Variants in GRID2 observed in about 807,000 individuals in gnomAD.
GRID2 encodes the protein glutamate receptor ionotropic, delta-2.
Under a neutral mutation model 114.8 loss-of-function variants are expected in GRID2, and 33 were observed. That is an observed-to-expected ratio of 0.29 (90% CI 0.22 to 0.38). The LOEUF is 0.38. GRID2 is among the 10% of genes least tolerant of loss of function. The pLI is 1.00. For missense variants in GRID2, 1,184 were observed against 1,257.7 expected (o/e 0.94, Z 0.89); for synonymous variants, 505 against 449.9 (o/e 1.12, Z -1.55).
Position 92,530,820 on chromosome 4 carries a change from TC to T in GRID2, c.89-59310del, listed in dbSNP as rs1217211646. On this transcript the variant is annotated intron_variant, in intron 1 of 15. Coordinates refer to ENST00000282020, the MANE Select transcript of GRID2 (RefSeq NM_001510.4). ...TACTCAGGAGGCTGAGGCAGAAGAA[TC>T]ACTTGAACCTGGGAGGTGGAGGTTT... is the stretch of plus-strand genomic sequence containing the variant. Among the ~76,000 whole-genome samples, 3 of 151,088 alleles carry T rather than the reference TC, an allele frequency of 2.0e-5. No homozygotes were observed. The East Asian group carries it at 5.8e-4, about 29-fold the overall frequency.
intron 13 of GRID2, among the ~76,000 whole-genome samples, chr4:93,527,036 G>C (rs1730979108): frequency 6.6e-6 from 1 of 151,986 alleles, no homozygotes; most frequent in African/African-American, 2.4e-5. Flanking sequence ...TTCGCTTTCT[G>C]TGGCTCCCAG....
chr4:93,500,119 T>C (rs990999917), intron 12 of GRID2, among the ~76,000 whole-genome samples: 1 of 152,008 alleles, frequency 6.6e-6, no homozygotes, highest in African/African-American at 2.4e-5. Context: ...CTAAGTTATG[T>C]GGTATGCAAG....
At chr4:92,335,287 A>G (rs1184411193) in intron 1 of GRID2, among the ~76,000 whole-genome samples, 2 of 152,176 alleles carry the variant, frequency 1.3e-5, no homozygotes, top group South Asian at 2.1e-4. Flanking sequence ...CCTTTTAGAC[A>G]CTTGCTGTGT....
intron 2 of GRID2, among the ~76,000 whole-genome samples, chr4:93,076,643 A>T (rs1729336371): frequency 1.7e-5 from 2 of 121,142 alleles, no homozygotes; most frequent in Non-Finnish European, 1.6e-5. Context: ...TTAATGACAG[A>T]GTCTCTCTCT....
At chr4:92,629,620 A>G (rs1730691410) in intron 2 of GRID2, among the ~76,000 whole-genome samples, 1 of 152,080 alleles carries the variant, frequency 6.6e-6, no homozygotes, top group African/African-American at 2.4e-5. Flanking sequence ...TTGTAACAAT[A>G]TATAAAGAAG....
chr4:92,304,811 C>A, intron 1 of GRID2, 67 bp downstream of exon 1: 1 of 1,109,198 alleles, frequency 9.0e-7, no homozygotes, highest in Non-Finnish European at 1.4e-6. Flanking sequence ...TTCCCCTTCG[C>A]TTTCCCCCTC....
chr4:93,189,773 C>CCACACACACACA (rs34137840), intron 4 of GRID2, among the ~76,000 whole-genome samples: 13 of 138,976 alleles, frequency 9.4e-5, no homozygotes, highest in Admixed American at 5.0e-4. Context: ...CCACACCACA[C>CCACACACACACA]CACACACACA....
chr4:93,296,635 T>A (rs920057525), intron 8 of GRID2, among the ~76,000 whole-genome samples: 11 of 152,228 alleles, frequency 7.2e-5, no homozygotes, highest in Non-Finnish European at 1.5e-4. Flanking sequence ...TTCATATATT[T>A]CACTCTCTGG....
intron 1 of GRID2, among the ~76,000 whole-genome samples, chr4:92,421,624 G>C (rs1193198699): frequency 6.6e-6 from 1 of 152,084 alleles, no homozygotes; most frequent in Non-Finnish European, 1.5e-5. Flanking sequence ...TAATAGATGA[G>C]AATAAGAATT....
At chr4:93,112,824 C>T (rs1732897220) in intron 4 of GRID2, among the ~76,000 whole-genome samples, 3 of 152,078 alleles carry the variant, frequency 2.0e-5, no homozygotes, top group African/African-American at 7.2e-5. Flanking sequence ...AATTCTTTTT[C>T]CAATGTCTAT....
At chr4:93,626,951 T>A (rs1172650047) in intron 14 of GRID2, among the ~76,000 whole-genome samples, 2 of 152,206 alleles carry the variant, frequency 1.3e-5, no homozygotes, top group Non-Finnish European at 2.9e-5. Flanking sequence ...TATGTGAGAT[T>A]TTGTCATGGA....
chr4:92,674,825 G>A (rs1362594340), intron 2 of GRID2, among the ~76,000 whole-genome samples: 4 of 152,190 alleles, frequency 2.6e-5, no homozygotes, highest in East Asian at 3.9e-4. Flanking sequence ...CACTGCTCCC[G>A]GCCTGTGTTT....
At chr4:93,383,737 A>G (rs1221007890) in intron 8 of GRID2, among the ~76,000 whole-genome samples, 1 of 152,142 alleles carries the variant, frequency 6.6e-6, no homozygotes, top group Non-Finnish European at 1.5e-5. Context: ...CACAGCTCAC[A>G]TCTCACTCAC....
At chr4:93,517,434 T>C (rs1034604524) in intron 13 of GRID2, among the ~76,000 whole-genome samples, 1 of 152,116 alleles carries the variant, frequency 6.6e-6, no homozygotes, top group African/African-American at 2.4e-5. Context: ...TTCAGTTTTC[T>C]GATTTACTAG....
chr4:92,759,557 T>A (rs1481924835), intron 2 of GRID2, among the ~76,000 whole-genome samples: 1 of 152,054 alleles, frequency 6.6e-6, no homozygotes, highest in Non-Finnish European at 1.5e-5. Context: ...TACAGAGTAA[T>A]ATCAAATATA....
intron 2 of GRID2, among the ~76,000 whole-genome samples, chr4:92,600,681 ATTC>A (rs1215980587): frequency 6.6e-6 from 1 of 152,146 alleles, no homozygotes; most frequent in Non-Finnish European, 1.5e-5. Flanking sequence ...TTCAGACCCT[ATTC>A]ACTTGGGCCC....
At chr4:93,636,973 A>C (rs1035804279) in intron 14 of GRID2, among the ~76,000 whole-genome samples, 1 of 152,156 alleles carries the variant, frequency 6.6e-6, no homozygotes, top group Non-Finnish European at 1.5e-5. Flanking sequence ...TTATCCCTAA[A>C]ATTTACCAGT....
intron 13 of GRID2, among the ~76,000 whole-genome samples, chr4:93,549,531 A>G (rs968138395): frequency 2.0e-5 from 3 of 152,220 alleles, no homozygotes; most frequent in African/African-American, 4.8e-5. Context: ...TACAAAAGTA[A>G]TAAGGGAAAT....
chr4:92,992,629 G>A (rs2149205691), intron 2 of GRID2, among the ~76,000 whole-genome samples: 1 of 152,192 alleles, frequency 6.6e-6, no homozygotes, highest in South Asian at 2.1e-4. Flanking sequence ...TTATTTGTGA[G>A]AATTTCCATT....
Sources: gnomAD v4.1 joint callset for allele counts (sites outside exome capture counted in the v4.1 genomes callset) on GRCh38, gnomAD v4.1.1 for gene constraint, MANE v1.5 for transcripts, NCBI Gene and HGNC (gene_info 2026-07-23, HGNC 2026-07-21) for gene names.